Variants in NCOR1 observed in about 807,000 individuals in gnomAD.
The protein encoded by NCOR1 is protein phosphatase 1, regulatory subunit 109.
A neutral mutation model predicts 288.1 loss-of-function variants in NCOR1; 63 were observed. The ratio of observed to expected loss-of-function variants is 0.22; its 90% CI spans 0.18 to 0.27. The LOEUF (loss-of-function observed/expected upper bound fraction) is 0.27, where lower values mean the gene tolerates loss of function less well. Ranked by LOEUF, NCOR1 falls within the 10% of genes least tolerant of loss-of-function variation. The pLI, the probability that NCOR1 is intolerant of heterozygous loss-of-function variation, is 1.00. For synonymous variants in NCOR1, 1,007 were observed against 1,065.9 expected (o/e 0.94, Z 1.08); for missense variants, 2,397 against 3,019.2 (o/e 0.79, Z 4.83).
chr17:16,044,761 T>G, intron 42 of NCOR1: 1 of 867,920 alleles, frequency 1.2e-6, no homozygotes, highest in Non-Finnish European at 2.0e-6. Flanking sequence ...CCAGCTTGTT[T>G]GCAATGGCCC....
chr17:16,038,120 GAGAT>G (rs1389888666), intron 44 of NCOR1, among the ~76,000 whole-genome samples: 4 of 151,972 alleles, frequency 2.6e-5, no homozygotes, highest in African/African-American at 9.7e-5. Context: ...TAACCATAGT[GAGAT>G]AGATCTTTTG....
intron 30 of NCOR1, among the ~76,000 whole-genome samples, chr17:16,071,183 T>C (rs2061714030): frequency 6.7e-6 from 1 of 149,488 alleles, no homozygotes; most frequent in South Asian, 2.1e-4. Context: ...GAGGCTGAGG[T>C]GGGAGGATCG....
In NCOR1 at chr17:16,078,968, A is replaced by G. The variant is rs1474691759; in HGVS notation, c.3501+996T>C. 1.3e-5 allele frequency among the ~76,000 whole-genome samples: 2 copies of G among 152,230 alleles called. 1 individual carries two copies. Among genetic ancestry groups the G allele is most frequent in the Non-Finnish European group, 2.9e-5 (2 of 68,052 alleles). ...GTAGTATGTAAACTACATTTCAGAA[A>G]GAAATCACCTGGGAACCTCAGTAAA... On this transcript the variant is annotated intron_variant, in intron 26 of 45. Coordinates refer to ENST00000268712, the MANE Select transcript of NCOR1 (RefSeq NM_006311.4).
chr17:16,141,771 T>C (rs920367482), intron 11 of NCOR1, among the ~76,000 whole-genome samples: 14 of 152,172 alleles, frequency 9.2e-5, no homozygotes, highest in Non-Finnish European at 7.4e-5. Context: ...GTTTGGCACA[T>C]AATAGGCTAT....
At position 16,030,538 on chromosome 17, in the gene NCOR1, C is replaced by T. The variant is rs1597480574; in HGVS notation, c.*1758G>A. The T allele has an allele frequency of 5.2e-6, 1 of 190,990 alleles. No individual in the cohort carries two copies. Among genetic ancestry groups the T allele is most frequent in the East Asian group, 8.3e-5 (1 of 12,102 alleles). The allele number at this position is 190,990 out of a possible 1,614,324, so 11.8% of individuals were successfully genotyped here. A position where few individuals can be genotyped will look rare whatever the true frequency, so the allele number is the denominator to read the frequency against. ...AAAACTGTGAAGTGGAACATTTAGTCACTGTTTTTCATTCATTTTGAAATT... is the reference window on the plus strand; with the variant it reads ...AAAACTGTGAAGTGGAACATTTAGTTACTGTTTTTCATTCATTTTGAAATT... On this transcript the variant is annotated 3_prime_UTR_variant, in exon 46 of 46. Transcript: ENST00000268712.
At chr17:16,074,972 A>G (rs2062238885) in intron 27 of NCOR1, among the ~76,000 whole-genome samples, 1 of 152,120 alleles carries the variant, frequency 6.6e-6, no homozygotes, top group South Asian at 2.1e-4. Flanking sequence ...GGTTCACGCC[A>G]TTCTCCTGGC....
In NCOR1 at chr17:16,061,314, A is replaced by C. The variant is rs2060525055; in HGVS notation, c.5881+87T>G. 5.5e-6 allele frequency: 8 copies of C among 1,456,998 alleles called. No individual in the cohort carries two copies. In the East Asian group the frequency reaches 1.8e-4, roughly 33 times the overall value. 90.3% of individuals were successfully genotyped at this position (1,456,998 alleles called of 1,614,324 possible). A position where few individuals can be genotyped will look rare whatever the true frequency, so the allele number is the denominator to read the frequency against. On this transcript the variant is annotated intron_variant, in intron 37 of 45. Transcript: ENST00000268712. The stretch of plus-strand genomic sequence containing the variant: ...TTTACTATCAACCGTTAGGATTTTT[A>C]AATACCATATAGTTCTACTTGACCT...
chr17:16,107,805 T>A (rs1347652038), intron 19 of NCOR1, among the ~76,000 whole-genome samples: 1 of 152,144 alleles, frequency 6.6e-6, no homozygotes, highest in Non-Finnish European at 1.5e-5. Context: ...CTTGTAAAGA[T>A]GACCTCATTT....
At chr17:16,136,806 CAAA>C (rs60523446) in intron 14 of NCOR1, among the ~76,000 whole-genome samples, 31 of 111,786 alleles carry the variant, frequency 2.8e-4, no homozygotes, top group Admixed American at 4.5e-4. Flanking sequence ...GACTCTGTTT[CAAA>C]AAAAAAAAAA....
chr17:16,187,385 T>C (rs1008233346), intron 2 of NCOR1, among the ~76,000 whole-genome samples: 3 of 151,872 alleles, frequency 2.0e-5, no homozygotes, highest in African/African-American at 7.3e-5. Context: ...GGGTGCATTA[T>C]TCACAACAGC....
chr17:16,101,517 C>G lies in NCOR1; in HGVS notation c.2423G>C (p.Gly808Ala). 3 of 1,614,190 alleles carry G rather than the reference C, an allele frequency of 1.9e-6. No homozygotes were observed. Among genetic ancestry groups the G allele is most frequent in the Non-Finnish European group, 2.5e-6 (3 of 1,180,042 alleles). The change falls in exon 20 of 46, where the codon GGT (glycine) becomes GCT (alanine). Residue 808 changes from glycine (G) to alanine (A), a missense_variant. Gly to Ala is a moderately conservative substitution (Grantham distance 60). Around this residue, in one of 11 missense-constraint regions of NCOR1, gnomAD observed 1,872 missense variants for 2,187.8 expected, o/e 0.86. Coordinates refer to ENST00000268712, the MANE Select transcript of NCOR1 (RefSeq NM_006311.4). ...AGCGGGTGGGGGATCACAAACAGAA[C>G]CCTCTTCAGCACTGTGCTCCTGCTG... ...VDQQEHSAEEGSVCDPPPATK... is the reference protein window; with the variant it reads ...VDQQEHSAEEASVCDPPPATK...
intron 12 of NCOR1, among the ~76,000 whole-genome samples, chr17:16,138,693 T>G (rs1437817822): frequency 1.3e-5 from 2 of 152,216 alleles, no homozygotes; most frequent in Non-Finnish European, 2.9e-5. Flanking sequence ...CTGGGCACCA[T>G]ACACCAGGAA....
At chr17:16,117,249 T>G (rs1258124761) in intron 18 of NCOR1, among the ~76,000 whole-genome samples, 2 of 152,166 alleles carry the variant, frequency 1.3e-5, no homozygotes, top group Non-Finnish European at 2.9e-5. Context: ...TTTGTATTTT[T>G]CAAATCCAGC....
intron 1 of NCOR1, among the ~76,000 whole-genome samples, chr17:16,206,075 A>G (rs2091466835): frequency 1.3e-5 from 2 of 152,090 alleles, no homozygotes; most frequent in Non-Finnish European, 1.5e-5. Context: ...TTAAACTGTA[A>G]TATCTAGTAT....
At position 16,073,502 on chromosome 17, in the gene NCOR1, G is replaced by A; in HGVS notation, c.3738C>T (p.Ser1246=). ...RTAHEISLKR[S]YESVEGNIKQ... is the part of the protein sequence containing the mutation. ...TTATATTTCCTTCCACTGATTCATAGCTTCTCTTTAAACTGATTTCATGAG... is the reference window on the plus strand; with the variant it reads ...TTATATTTCCTTCCACTGATTCATAACTTCTCTTTAAACTGATTTCATGAG... Residue 1246 remains serine, a synonymous_variant, in exon 28 of 46, where the codon AGC becomes AGT. Coordinates refer to ENST00000268712, the MANE Select transcript of NCOR1 (RefSeq NM_006311.4). 1 of 1,612,284 alleles carries A rather than the reference G, an allele frequency of 6.2e-7. No homozygotes were observed.
chr17:16,122,139 C>A (rs1232799492), intron 15 of NCOR1, among the ~76,000 whole-genome samples: 2 of 152,234 alleles, frequency 1.3e-5, no homozygotes, highest in Non-Finnish European at 2.9e-5. Flanking sequence ...ATGGTGGTTC[C>A]TATTAATAGC....
At chr17:16,139,762 A>G (rs2076902308) in intron 11 of NCOR1, among the ~76,000 whole-genome samples, 1 of 152,218 alleles carries the variant, frequency 6.6e-6, no homozygotes, top group Admixed American at 6.5e-5. Flanking sequence ...TGTTTCAACT[A>G]AAACTTTGTT....
intron 6 of NCOR1, among the ~76,000 whole-genome samples, chr17:16,157,474 T>G (rs746511502): frequency 1.3e-5 from 2 of 152,214 alleles, no homozygotes; most frequent in Non-Finnish European, 2.9e-5. Context: ...ATTTATTTAT[T>G]TATTCAACTT....
chr17:16,121,274 A>G lies in NCOR1; in HGVS notation c.1635-5T>C. 6.2e-7 allele frequency: 1 copy of G among 1,609,810 alleles called. No individual in the cohort carries two copies. The highest frequency in any genetic ancestry group is 2.2e-5 in the East Asian group (1 of 44,802). ...TCCTTTTCCTTGGTATTTTCTCTGG[A>G]CACAAAAGCAAATGAAAACTTGTGT... On this transcript the variant is annotated splice_region_variant and splice_polypyrimidine_tract_variant and intron_variant, in intron 15 of 45. Coordinates refer to ENST00000268712, the MANE Select transcript of NCOR1 (RefSeq NM_006311.4).
Sources: gnomAD v4.1 joint callset for allele counts (sites outside exome capture counted in the v4.1 genomes callset) on GRCh38, gnomAD v4.1.1 for gene constraint, gnomAD v4.1.1 regional missense constraint, MANE v1.5 for transcripts, NCBI Gene and HGNC (gene_info 2026-07-23, HGNC 2026-07-21) for gene names.